The following LYST variants were observed in gnomAD, a reference collection of about 807,000 sequenced individuals.
The protein encoded by LYST is lysosomal-trafficking regulator.
A neutral mutation model predicts 413.6 loss-of-function variants in LYST; 192 were observed. The observed-to-expected ratio is 0.46, with a 90% confidence interval of 0.41 to 0.52. LYST has a LOEUF of 0.52. Ranked by LOEUF, LYST falls within the 20% of genes least tolerant of loss-of-function variation. The pLI is 0.00. For synonymous variants in LYST, 1,525 were observed against 1,567.3 expected (o/e 0.97, Z 0.64); for missense variants, 3,815 against 4,499.9 (o/e 0.85, Z 4.35).
At chr1:235,880,640 T>C (rs1041354175) in intron 1 of LYST, among the ~76,000 whole-genome samples, 3 of 152,220 alleles carry the variant, frequency 2.0e-5, no homozygotes, top group African/African-American at 7.2e-5. Context: ...TTTTCTATTC[T>C]TGGTTCAGGG....
intron 48 of LYST, among the ~76,000 whole-genome samples, chr1:235,683,502 G>C (rs1007594081): frequency 6.6e-6 from 1 of 152,150 alleles, no homozygotes; most frequent in African/African-American, 2.4e-5. Context: ...CCCATATAAC[G>C]AGTCAACTTA....
chr1:235,836,311 C>T (rs889452514), intron 1 of LYST, among the ~76,000 whole-genome samples: 4 of 152,158 alleles, frequency 2.6e-5, no homozygotes, highest in African/African-American at 4.8e-5. Context: ...TCCTTACCAT[C>T]ATGTATTATA....
chr1:235,800,817 T>C (rs891787320), intron 9 of LYST, 54 bp downstream of exon 9: 12 of 1,210,960 alleles, frequency 9.9e-6, no homozygotes, highest in African/African-American at 1.5e-5. Context: ...GGAGATGTTA[T>C]TGGGTGATGA....
chr1:235,786,119 A>G (rs1670383710), intron 14 of LYST, among the ~76,000 whole-genome samples: 1 of 152,218 alleles, frequency 6.6e-6, no homozygotes, highest in Non-Finnish European at 1.5e-5. Flanking sequence ...ATGGGCTTGC[A>G]GGATGAAATT....
At chr1:235,713,059 G>C in intron 42 of LYST, 3 of 985,328 alleles carry the variant, frequency 3.0e-6, no homozygotes, top group Non-Finnish European at 3.6e-6. Context: ...ACACATCGCA[G>C]CATCAGGTTT....
At chr1:235,876,524 T>C (rs1314042901) in intron 1 of LYST, among the ~76,000 whole-genome samples, 2 of 152,366 alleles carry the variant, frequency 1.3e-5, no homozygotes, top group Middle Eastern at 3.4e-3. Flanking sequence ...AATAGTTGAA[T>C]GAATTCTCTA....
chr1:235,763,655 C>T (rs1030155648), intron 21 of LYST, among the ~76,000 whole-genome samples: 3 of 151,250 alleles, frequency 2.0e-5, no homozygotes, highest in Non-Finnish European at 4.4e-5. Flanking sequence ...GACGAGGTTT[C>T]GCTATGTTGA....
intron 1 of LYST, among the ~76,000 whole-genome samples, chr1:235,836,557 G>A (rs1676600824): frequency 6.6e-6 from 1 of 152,160 alleles, no homozygotes; most frequent in African/African-American, 2.4e-5. Flanking sequence ...ATGTATGCTG[G>A]ATGTACGGGA....
intron 2 of LYST, among the ~76,000 whole-genome samples, chr1:235,832,841 C>T (rs1676138856): frequency 6.6e-6 from 1 of 151,930 alleles, no homozygotes; most frequent in Non-Finnish European, 1.5e-5. Flanking sequence ...AGGTTTACTC[C>T]AAGGCGCTTT....
chr1:235,875,187 A>C (rs922799754), intron 1 of LYST, among the ~76,000 whole-genome samples: 1 of 152,210 alleles, frequency 6.6e-6, no homozygotes, highest in African/African-American at 2.4e-5. Context: ...TCAATGCCAC[A>C]ATTCAGGGAG....
At chr1:235,776,109 A>T (rs1261296867) in intron 17 of LYST, among the ~76,000 whole-genome samples, 1 of 152,210 alleles carries the variant, frequency 6.6e-6, no homozygotes. Flanking sequence ...ATACGATGGT[A>T]CAAAATATCA....
rs61649555 is a variant in LYST at position 235,744,904 on chromosome 1, G to GA, written c.7973-748dup. 4.1e-4 allele frequency among the ~76,000 whole-genome samples: 56 copies of GA among 137,356 alleles called. No individual in the cohort carries two copies. In the East Asian group the frequency reaches 7.1e-3, roughly 17 times the overall value. The allele number at this position is 137,356 out of a possible 152,430, so 90.1% of individuals were successfully genotyped here. On this transcript the variant is annotated intron_variant, in intron 29 of 52. Transcript: ENST00000389793. ...TGAGAACCCATCTCAAAAAAAAAAA[G>GA]AAAAAAAAAAAGAGAGAAAGAAAAG... is the stretch of plus-strand genomic sequence containing the variant.
intron 37 of LYST, 64 bp downstream of exon 37, chr1:235,729,532 A>G: frequency 9.1e-7 from 1 of 1,100,042 alleles, no homozygotes; most frequent in Non-Finnish European, 1.4e-6. Flanking sequence ...AAAACACTTT[A>G]AATAATCTAA....
Position 235,759,376 on chromosome 1 carries a change from G to C in LYST, c.6477C>G (p.Gly2159=). Residue 2159 remains glycine (G), a synonymous_variant, in exon 23 of 53, where the codon GGC becomes GGG. Coordinates refer to ENST00000389793, the MANE Select transcript of LYST (RefSeq NM_000081.4). ...SLGSSDTLKK[G]KEDAFISSCE... is the part of the protein sequence containing the mutation. ...AGCTACTGATGAATGCGTCCTCTTTGCCTTTTTTCAGTGTGTCGGAACTCC... is the reference window on the plus strand; with the variant it reads ...AGCTACTGATGAATGCGTCCTCTTTCCCTTTTTTCAGTGTGTCGGAACTCC... 2.5e-6 allele frequency: 4 copies of C among 1,614,106 alleles called. No homozygotes were observed. Among genetic ancestry groups the C allele is most frequent in the Non-Finnish European group, 3.4e-6 (4 of 1,179,996 alleles).
In LYST at chr1:235,751,897, T is replaced by C. The variant is rs552079061; in HGVS notation, c.7627+108A>G. 234 of 835,892 alleles carry C rather than the reference T, an allele frequency of 2.8e-4. 1 individual carries two copies. The highest frequency in any genetic ancestry group is 7.7e-4 in the Admixed American group (30 of 38,842). The allele number at this position is 835,892 out of a possible 1,614,324, so 51.8% of individuals were successfully genotyped here. ...CTGATAGATACTATTACAAAATTAATGTTAAACTTTTAGTAAAAGAGTTTC... is the reference window on the plus strand; with the variant it reads ...CTGATAGATACTATTACAAAATTAACGTTAAACTTTTAGTAAAAGAGTTTC... On this transcript the variant is annotated intron_variant, in intron 27 of 52. Coordinates refer to ENST00000389793, the MANE Select transcript of LYST (RefSeq NM_000081.4).
At chr1:235,665,260 T>C (rs533311249) in intron 50 of LYST, among the ~76,000 whole-genome samples, 1 of 152,182 alleles carries the variant, frequency 6.6e-6, no homozygotes, top group South Asian at 2.1e-4. Flanking sequence ...TTGAAAATAC[T>C]TGGAAAGCTA....
At chr1:235,752,340 T>C (rs1339219383) in intron 26 of LYST, among the ~76,000 whole-genome samples, 169 bp from the exon 27 acceptor site, 2 of 152,180 alleles carry the variant, frequency 1.3e-5, no homozygotes, top group Admixed American at 6.5e-5. Context: ...AAGTAATATG[T>C]AGTATGTATG....
At chr1:235,853,662 T>C (rs1678820634) in intron 1 of LYST, among the ~76,000 whole-genome samples, 1 of 152,118 alleles carries the variant, frequency 6.6e-6, no homozygotes, top group South Asian at 2.1e-4. Flanking sequence ...CATGAAATCT[T>C]GGTTAACATG....
intron 48 of LYST, among the ~76,000 whole-genome samples, chr1:235,678,162 T>TA (rs570517956): frequency 3.3e-5 from 5 of 150,038 alleles, no homozygotes; most frequent in South Asian, 2.1e-4. Context: ...AATACTTCTG[T>TA]AAAAAAAAAA....
Sources: allele counts gnomAD v4.1 joint callset (sites outside exome capture counted in the v4.1 genomes callset), GRCh38; gene constraint gnomAD v4.1.1; transcripts MANE v1.5; gene names NCBI Gene and HGNC (gene_info 2026-07-23, HGNC 2026-07-21).